The following KLF12 variants were observed in gnomAD, a reference collection of about 807,000 sequenced individuals.
KLF12 encodes the protein KLF transcription factor 12.
Under a neutral mutation model 37.8 loss-of-function variants are expected in KLF12, and 9 were observed. That is an observed-to-expected ratio of 0.24 (90% CI 0.14 to 0.42). The LOEUF is 0.42. Among genes scored for constraint, KLF12 ranks in the 10% least tolerant of loss-of-function variants. The pLI, the probability that KLF12 is intolerant of heterozygous loss-of-function variation, is 1.00. For missense variants in KLF12, 411 were observed against 516.0 expected, an observed-to-expected ratio of 0.80 and a Z score of 1.97; for synonymous variants, 208 against 202.1, an observed-to-expected ratio of 1.03 and a Z score of -0.25.
intron 1 of KLF12, among the ~76,000 whole-genome samples, chr13:74,047,839 T>C (rs978963130): frequency 6.6e-6 from 1 of 152,190 alleles, no homozygotes; most frequent in Non-Finnish European, 1.5e-5. Flanking sequence ...AAGTTTCAGT[T>C]AGTGTATCAT....
intron 3 of KLF12, among the ~76,000 whole-genome samples, chr13:73,854,886 G>A (rs1885527249): frequency 6.6e-6 from 1 of 152,086 alleles, no homozygotes; most frequent in Admixed American, 6.5e-5. Context: ...GGATATCGAG[G>A]GACAACTGTA....
intron 7 of KLF12, among the ~76,000 whole-genome samples, chr13:73,714,698 A>C (rs1395119033): frequency 6.6e-6 from 1 of 152,148 alleles, no homozygotes; most frequent in Non-Finnish European, 1.5e-5. Context: ...ATGCCAGCTG[A>C]GGGACACAGA....
At chr13:74,206,994 C>G in the KLF12 span, among the ~76,000 whole-genome samples, 6 of 152,112 alleles carry the variant, frequency 3.9e-5, no homozygotes, top group South Asian at 1.0e-3. Flanking sequence ...TTATAATGAA[C>G]AGAAATTTAT....
rs1487067789 is a variant in KLF12 at position 73,752,728 on chromosome 13, A to AT, written c.869+12209dup. On this transcript the variant is annotated intron_variant, in intron 6 of 7. Transcript: ENST00000377669. ...CATTCCCCTGCTCCCTTCCACATAT[A>AT]TATTTTTTTTTTTTTGACACAGAGT... Among the ~76,000 whole-genome samples the AT allele has an allele frequency of 5.4e-4, 62 of 115,870 alleles. 1 individual carries two copies. Among genetic ancestry groups the AT allele is most frequent in the Admixed American group, 1.4e-3 (18 of 12,982 alleles). 76.0% of individuals were successfully genotyped at this position (115,870 alleles called of 152,430 possible).
chr13:74,049,311 G>A (rs932176122), intron 1 of KLF12, among the ~76,000 whole-genome samples: 2 of 152,174 alleles, frequency 1.3e-5, no homozygotes, highest in South Asian at 4.1e-4. Context: ...TACAATGGTA[G>A]GCAGAAGCTT....
At chr13:74,167,081 T>C in the KLF12 span, among the ~76,000 whole-genome samples, 1 of 152,262 alleles carries the variant, frequency 6.6e-6, no homozygotes, top group East Asian at 1.9e-4. Context: ...CCTTGAACTC[T>C]TTCATTCTAA....
At chr13:74,019,485 T>C (rs1458679974) in intron 1 of KLF12, among the ~76,000 whole-genome samples, 1 of 152,256 alleles carries the variant, frequency 6.6e-6, no homozygotes, top group Non-Finnish European at 1.5e-5. Flanking sequence ...CTGTTCATGC[T>C]GAAAATCAGA....
At chr13:74,137,691 CA>C (rs2139054413), upstream of KLF12, among the ~76,000 whole-genome samples, 1 of 152,274 alleles carries the variant, frequency 6.6e-6, no homozygotes, top group African/African-American at 2.4e-5. Context: ...TTCTTATACT[CA>C]ACCAGTGGTG....
intron 2 of KLF12, among the ~76,000 whole-genome samples, chr13:73,973,801 T>C (rs1451419451): frequency 2.0e-5 from 3 of 151,974 alleles, no homozygotes; most frequent in Non-Finnish European, 2.9e-5. Context: ...ACTCCTAACA[T>C]TTACACAGCT....
chr13:73,852,295 T>C (rs1219518524), intron 3 of KLF12, among the ~76,000 whole-genome samples: 1 of 152,134 alleles, frequency 6.6e-6, no homozygotes, highest in Non-Finnish European at 1.5e-5. Flanking sequence ...AAGCAAAGTA[T>C]ACTAAAGAAA....
the KLF12 span, among the ~76,000 whole-genome samples, chr13:74,218,075 A>G: frequency 1.3e-5 from 2 of 152,200 alleles, no homozygotes; most frequent in Non-Finnish European, 1.5e-5. Context: ...AAATGTTACC[A>G]GGTTTTATTA....
chr13:73,981,592 T>G (rs188498584), intron 2 of KLF12, among the ~76,000 whole-genome samples: 165 of 152,320 alleles, frequency 1.1e-3, no homozygotes, highest in African/African-American at 3.8e-3. Flanking sequence ...TGTACTTATA[T>G]ATGATGAAAA....
chr13:74,275,814 CTT>C, the KLF12 span, among the ~76,000 whole-genome samples: 1 of 91,970 alleles, frequency 1.1e-5, no homozygotes, highest in African/African-American at 4.5e-5. Context: ...TTCCTTCTTT[CTT>C]TCTTTCTTTC....
At chr13:74,204,572 G>A in the KLF12 span, among the ~76,000 whole-genome samples, 1 of 152,078 alleles carries the variant, frequency 6.6e-6, no homozygotes, top group Non-Finnish European at 1.5e-5. Context: ...AGATCATTTA[G>A]GTTTTTAGGA....
At chr13:74,112,419 T>TGTGC (rs1555272984) in intron 1 of KLF12, among the ~76,000 whole-genome samples, 4 of 147,432 alleles carry the variant, frequency 2.7e-5, no homozygotes, top group Non-Finnish European at 3.0e-5. Flanking sequence ...TGTGTGTGTG[T>TGTGC]TTTGTTTTGA....
chr13:73,746,724 TA>T (rs1190161829), intron 6 of KLF12, among the ~76,000 whole-genome samples: 1 of 151,604 alleles, frequency 6.6e-6, no homozygotes, highest in Non-Finnish European at 1.5e-5. Flanking sequence ...TGTATCTTTC[TA>T]AAAAAATTAA....
intron 1 of KLF12, among the ~76,000 whole-genome samples, chr13:74,022,550 T>G (rs181721790): frequency 9.9e-4 from 139 of 140,744 alleles, no homozygotes; most frequent in African/African-American, 3.2e-3. Flanking sequence ...GGGTATCCCC[T>G]CACATCTATA....
At chr13:74,029,682 C>T (rs1262210755) in intron 1 of KLF12, among the ~76,000 whole-genome samples, 1 of 152,052 alleles carries the variant, frequency 6.6e-6, no homozygotes, top group East Asian at 1.9e-4. Flanking sequence ...TCATTCTATA[C>T]ATCAGGATAA....
At chr13:74,216,205 C>G in the KLF12 span, among the ~76,000 whole-genome samples, 1 of 152,150 alleles carries the variant, frequency 6.6e-6, no homozygotes, top group Non-Finnish European at 1.5e-5. Flanking sequence ...GTCCTTGCCA[C>G]TCTCTTTTTG....
Sources: allele counts gnomAD v4.1 joint callset (sites outside exome capture counted in the v4.1 genomes callset), GRCh38; gene constraint gnomAD v4.1.1; transcripts MANE v1.5; gene names NCBI Gene and HGNC (gene_info 2026-07-23, HGNC 2026-07-21).